CTNNA2: variants seen among roughly 807,000 people sequenced by gnomAD.
The protein encoded by CTNNA2 is catenin alpha-2.
Under a neutral mutation model 101.0 loss-of-function variants are expected in CTNNA2, and 42 were observed. That is an observed-to-expected ratio of 0.42 (90% confidence interval 0.32 to 0.54). The LOEUF is 0.54. Ranked by LOEUF, CTNNA2 falls within the 20% of genes least tolerant of loss-of-function variation. The pLI, the probability that CTNNA2 is intolerant of heterozygous loss-of-function variation, is 0.14. For synonymous variants in CTNNA2, 450 were observed against 456.4 expected (o/e 0.99, Z 0.18); for missense variants, 871 against 1,223.1 (o/e 0.71, Z 4.29).
At chr2:80,601,211 C>G (rs216652) in intron 15 of CTNNA2, among the ~76,000 whole-genome samples, 82,655 of 151,576 alleles carry the variant, frequency 0.55, 22,742 homozygotes, top group East Asian at 0.62. Flanking sequence ...TTCTTTTTGT[C>G]TGTGTGTGTG....
intron 7 of CTNNA2, among the ~76,000 whole-genome samples, chr2:79,987,043 G>A (rs1019797823): frequency 2.0e-5 from 3 of 152,086 alleles, no homozygotes; most frequent in Non-Finnish European, 4.4e-5. Flanking sequence ...TGGCAGCCCC[G>A]GGCCCAGAGT....
At chr2:79,654,088 C>T (rs1681443654) in intron 2 of CTNNA2, among the ~76,000 whole-genome samples, 1 of 152,152 alleles carries the variant, frequency 6.6e-6, no homozygotes, top group South Asian at 2.1e-4. Flanking sequence ...TGAGTCTGCA[C>T]CAGCAGAGCC....
At chr2:79,930,272 AAGAAAGAGAGAGAGAGAGAAAG>A (rs1687309003) in intron 7 of CTNNA2, among the ~76,000 whole-genome samples, 1 of 9,016 alleles carries the variant, frequency 1.1e-4, no homozygotes. Flanking sequence ...GAAAGAAAGA[AAGAAAGAGAGAGAGAGAGAAAG>A]AGAAAGAAAG....
chr2:80,639,338 T>C (rs1182015951), intron 18 of CTNNA2, among the ~76,000 whole-genome samples: 1 of 152,102 alleles, frequency 6.6e-6, no homozygotes, highest in Non-Finnish European at 1.5e-5. Flanking sequence ...GCCTCCCCAG[T>C]AGTTGGGATT....
chr2:80,060,913 C>A (rs1190107444), intron 7 of CTNNA2, among the ~76,000 whole-genome samples: 1 of 152,140 alleles, frequency 6.6e-6, no homozygotes, highest in Non-Finnish European at 1.5e-5. Flanking sequence ...GAACCCACAT[C>A]CAGTGGCCAG....
intron 1 of CTNNA2, among the ~76,000 whole-genome samples, chr2:79,188,246 A>C (rs774234185): frequency 3.3e-5 from 5 of 152,288 alleles, no homozygotes; most frequent in Non-Finnish European, 2.9e-5. Flanking sequence ...TAGAAAAGCA[A>C]ACTTTGTTCC....
Position 79,664,962 on chromosome 2 carries a change from C to T in CTNNA2, c.102+13304C>T, listed in dbSNP as rs546523690. Among the ~76,000 whole-genome samples the T allele has an allele frequency of 5.9e-5, 9 of 152,186 alleles. No homozygotes were observed. In the South Asian group the frequency reaches 1.9e-3, roughly 32 times the overall value. Reference sequence around the variant, plus strand: ...TCCTGACCTCGTGATCCGCCCGTCTCGGCCTCCCAAAGTGCTAGGATTACA... The same window carrying T: ...TCCTGACCTCGTGATCCGCCCGTCTTGGCCTCCCAAAGTGCTAGGATTACA... On this transcript the variant is annotated intron_variant, in intron 2 of 18. Coordinates refer to ENST00000402739, the MANE Select transcript of CTNNA2 (RefSeq NM_001282597.3).
At chr2:79,389,108 A>C (rs2104470277) in intron 4 of CTNNA2, among the ~76,000 whole-genome samples, 1 of 152,348 alleles carries the variant, frequency 6.6e-6, no homozygotes, top group South Asian at 2.1e-4. Context: ...CTTTTAAAGA[A>C]GAATTTGGGA....
intron 4 of CTNNA2, among the ~76,000 whole-genome samples, chr2:79,433,187 G>A (rs1253707061): frequency 6.6e-6 from 1 of 152,158 alleles, no homozygotes; most frequent in African/African-American, 2.4e-5. Context: ...CACTTTGACA[G>A]TATTTTCAAA....
intron 11 of CTNNA2, among the ~76,000 whole-genome samples, chr2:80,547,887 T>C (rs1448434059): frequency 1.3e-5 from 2 of 152,064 alleles, no homozygotes; most frequent in African/African-American, 2.4e-5. Flanking sequence ...AGACGGGGTT[T>C]CTCCGTGTTG....
At chr2:79,995,547 A>G (rs1692480026) in intron 7 of CTNNA2, among the ~76,000 whole-genome samples, 1 of 152,164 alleles carries the variant, frequency 6.6e-6, no homozygotes, top group African/African-American at 2.4e-5. Flanking sequence ...ACAGTGTCTC[A>G]TGCCTGTAAT....
intron 8 of CTNNA2, among the ~76,000 whole-genome samples, chr2:80,407,871 C>A (rs750799034): frequency 6.6e-6 from 1 of 152,094 alleles, no homozygotes; most frequent in Admixed American, 6.6e-5. Context: ...GTATTGCATA[C>A]GGCAGCAGAA....
At chr2:79,799,447 C>G (rs747684030) in intron 3 of CTNNA2, among the ~76,000 whole-genome samples, 2 of 152,120 alleles carry the variant, frequency 1.3e-5, no homozygotes, top group Non-Finnish European at 2.9e-5. Flanking sequence ...CAAAAACTCT[C>G]ATTGCCTTCT....
At chr2:79,396,299 C>T (rs779275799) in intron 4 of CTNNA2, among the ~76,000 whole-genome samples, 58 of 152,014 alleles carry the variant, frequency 3.8e-4, no homozygotes, top group Non-Finnish European at 6.8e-4. Flanking sequence ...GCTGGGATTA[C>T]AGGTGCCTGC....
intron 7 of CTNNA2, among the ~76,000 whole-genome samples, chr2:80,136,809 A>T (rs1573190453): frequency 6.6e-6 from 1 of 152,260 alleles, no homozygotes; most frequent in Middle Eastern, 3.4e-3. Flanking sequence ...TTTAAGAGGT[A>T]ATAAAGTCTA....
Position 80,167,306 on chromosome 2 carries a change from T to C in CTNNA2, c.1057-225905T>C, listed in dbSNP as rs17018734. On this transcript the variant is annotated intron_variant, in intron 7 of 18. Coordinates refer to ENST00000402739, the MANE Select transcript of CTNNA2 (RefSeq NM_001282597.3). ...ATATGAAACAGCTCAGAGAGTGAAA[T>C]AAGAGGAATCATTATAATTGAAATA... Among the ~76,000 whole-genome samples the C allele has an allele frequency of 5.9e-3, 895 of 152,292 alleles. 9 individuals carry two copies. The highest frequency in any genetic ancestry group is 0.02 in the African/African-American group (831 of 41,554).
intron 11 of CTNNA2, among the ~76,000 whole-genome samples, chr2:80,552,806 A>G (rs1692689942): frequency 6.6e-6 from 1 of 152,212 alleles, no homozygotes; most frequent in African/African-American, 2.4e-5. Context: ...TTTTAAAAGT[A>G]CGGTAAAAAT....
At chr2:79,995,983 AC>A (rs1477094352) in intron 7 of CTNNA2, among the ~76,000 whole-genome samples, 11 of 152,286 alleles carry the variant, frequency 7.2e-5, no homozygotes, top group African/African-American at 2.4e-4. Context: ...CCTCTTGGAA[AC>A]AATTCAAGAT....
At chr2:79,475,337 C>A (rs1179760440) in intron 4 of CTNNA2, among the ~76,000 whole-genome samples, 1 of 151,956 alleles carries the variant, frequency 6.6e-6, no homozygotes, top group Non-Finnish European at 1.5e-5. Flanking sequence ...CAATTTTTCC[C>A]CTTTGTTCTG....
Sources: gnomAD v4.1 joint callset for allele counts (sites outside exome capture counted in the v4.1 genomes callset) on GRCh38, gnomAD v4.1.1 for gene constraint, MANE v1.5 for transcripts, NCBI Gene and HGNC (gene_info 2026-07-23, HGNC 2026-07-21) for gene names.